The following HRH1 variants were observed in gnomAD, a reference collection of about 807,000 sequenced individuals.
HRH1 encodes histamine H1 receptor.
A neutral mutation model predicts 10.3 loss-of-function variants in HRH1; 6 were observed. The observed-to-expected ratio is 0.58, with a 90% CI of 0.32 to 1.15. The LOEUF is 1.15. Among genes scored for constraint, HRH1 ranks in the 50% most tolerant of loss-of-function variants. The pLI is 0.05. For synonymous variants in HRH1, 242 were observed against 236.7 expected, an observed-to-expected ratio of 1.02 and a Z score of -0.21; for missense variants, 514 against 615.3, an observed-to-expected ratio of 0.84 and a Z score of 1.74.
Position 11,259,003 on chromosome 3 carries a change from G to A in HRH1, c.-35G>A, listed in dbSNP as rs1939857616. On this transcript the variant is annotated splice_region_variant and 5_prime_UTR_variant, in exon 2 of 2. Coordinates refer to ENST00000431010, the MANE Select transcript of HRH1 (RefSeq NM_001098212.2). The surrounding 1 kb of genome is among the most constrained non-coding windows in gnomAD (Gnocchi z 4.6). ...TTACTTTTTCTCTCTTTTCTCCCAG[G>A]GAGTGAGCCATAACTGGTGGCTGCT... 1 of 1,547,338 alleles carries A rather than the reference G, an allele frequency of 6.5e-7. No homozygotes were observed. The highest frequency in any genetic ancestry group is 1.3e-5 in the South Asian group (1 of 79,980).
Position 11,260,495 on chromosome 3 carries a change from C to A in HRH1, c.1458C>A (p.Arg486=), listed in dbSNP as rs1453172292. The part of the protein sequence containing the change: ...KKTFKRILHI[R]S The stretch of plus-strand genomic sequence containing the variant: ...CATTCAAGAGAATTCTGCATATTCG[C>A]TCCTAAGGGAGGCTCTGAGGGGATG... The change falls in exon 2 of 2, where the codon CGC becomes CGA. Residue 486 remains arginine, a synonymous_variant. Coordinates refer to ENST00000431010, the MANE Select transcript of HRH1 (RefSeq NM_001098212.2). 8 of 1,591,226 alleles carry A rather than the reference C, an allele frequency of 5.0e-6. No individual in the cohort carries two copies. Among genetic ancestry groups the A allele is most frequent in the Admixed American group, 1.7e-5 (1 of 58,126 alleles).
chr3:11,144,410 C>CGTCT lies in HRH1; in HGVS notation c.-36+7011_-36+7012insGTCT, dbSNP rs1262726228. Among the ~76,000 whole-genome samples the CGTCT allele has an allele frequency of 2.0e-4, 30 of 150,180 alleles. 1 individual carries two copies. The highest frequency in any genetic ancestry group is 3.9e-4 in the East Asian group (2 of 5,106). The stretch of plus-strand genomic sequence containing the variant: ...ATGTGTATATATACATATAGACATA[C>CGTCT]ATCTATAGGTATATATACATATAGA... On this transcript the variant is annotated intron_variant, in intron 1 of 1. Coordinates refer to the HRH1 transcript ENST00000438284.
At chr3:11,249,475 GAAGCACATTGTGA>G (rs1448345582) in intron 1 of HRH1, among the ~76,000 whole-genome samples, 1 of 150,668 alleles carries the variant, frequency 6.6e-6, no homozygotes, top group Non-Finnish European at 1.5e-5. Flanking sequence ...GAGGAGCAAT[GAAGCACATTGTGA>G]AATATCCTAT....
At chr3:11,251,700 G>A (rs1939657523) in intron 1 of HRH1, among the ~76,000 whole-genome samples, 2 of 152,186 alleles carry the variant, frequency 1.3e-5, no homozygotes, top group Non-Finnish European at 2.9e-5. Flanking sequence ...TGAATCATCT[G>A]TAGTTCGGAT....
At chr3:11,214,501 A>G (rs761082075) in intron 1 of HRH1, among the ~76,000 whole-genome samples, 19 of 152,178 alleles carry the variant, frequency 1.2e-4, no homozygotes, top group Non-Finnish European at 2.8e-4. Context: ...ATAGACTGGG[A>G]GGAAATTCAG....
chr3:11,213,667 C>G (rs1004843547), intron 1 of HRH1, among the ~76,000 whole-genome samples: 1 of 152,190 alleles, frequency 6.6e-6, no homozygotes, highest in Non-Finnish European at 1.5e-5. Context: ...TCTCTGGAGC[C>G]TCCCTTATGA....
At chr3:11,207,278 A>G (rs1392830941) in intron 1 of HRH1, among the ~76,000 whole-genome samples, 11 of 151,956 alleles carry the variant, frequency 7.2e-5, no homozygotes, top group Admixed American at 7.2e-4. Flanking sequence ...AAACAGGCTG[A>G]CCTGGGCTGG....
intron 1 of HRH1, chr3:11,234,662 C>T: frequency 1.5e-6 from 2 of 1,298,672 alleles, no homozygotes; most frequent in South Asian, 2.4e-5. Flanking sequence ...TCCTTCCCTT[C>T]CTGCCGGCAG....
At position 11,260,503 on chromosome 3, in the gene HRH1, G is replaced by A. The variant is rs780030834; in HGVS notation, c.*2G>A. The A allele has an allele frequency of 6.3e-7, 1 of 1,584,864 alleles. No individual in the cohort carries two copies. The highest frequency in any genetic ancestry group is 8.6e-7 in the Non-Finnish European group (1 of 1,163,986). On this transcript the variant is annotated 3_prime_UTR_variant, in exon 2 of 2. Transcript: ENST00000431010. The stretch of plus-strand genomic sequence containing the variant: ...AGAATTCTGCATATTCGCTCCTAAG[G>A]GAGGCTCTGAGGGGATGCAACAAAA...
intron 1 of HRH1, among the ~76,000 whole-genome samples, chr3:11,165,135 A>T (rs1559257421): frequency 6.6e-6 from 1 of 152,236 alleles, no homozygotes; most frequent in Non-Finnish European, 1.5e-5. Context: ...AGTGACTCGC[A>T]TAAGCTCACA....
In HRH1 at chr3:11,242,509, A is replaced by AAAAAAAAAAAAAAAAAT. The variant is rs1559283215; in HGVS notation, c.-35-16494_-35-16493insAAAAAAAAAAAAAAAAT. 2.5e-4 allele frequency among the ~76,000 whole-genome samples: 30 copies of AAAAAAAAAAAAAAAAAT among 120,808 alleles called. 1 individual carries two copies. Among genetic ancestry groups the AAAAAAAAAAAAAAAAAT allele is most frequent in the African/African-American group, 9.9e-4 (30 of 30,218 alleles). The allele number at this position is 120,808 out of a possible 152,430, so 79.3% of individuals were successfully genotyped here. On this transcript the variant is annotated intron_variant, in intron 1 of 1. Transcript: ENST00000431010. ...AAAAAAAAAAAAAAAAAAAAAAAAA[A>AAAAAAAAAAAAAAAAAT]GCTGTAACACTCACTGCAAAGGTCT...
chr3:11,149,364 C>T (rs921269197), intron 1 of HRH1, among the ~76,000 whole-genome samples: 1 of 152,194 alleles, frequency 6.6e-6, no homozygotes, highest in African/African-American at 2.4e-5. Flanking sequence ...TTATAATCAG[C>T]CATTTTCACT....
chr3:11,139,494 G>C (rs1936251653), intron 1 of HRH1, among the ~76,000 whole-genome samples: 1 of 152,052 alleles, frequency 6.6e-6, no homozygotes, highest in Non-Finnish European at 1.5e-5. Flanking sequence ...TGGCAAAGCT[G>C]ATCTAGAACT....
chr3:11,153,408 G>A (rs1468680917), upstream of HRH1, among the ~76,000 whole-genome samples: 1 of 152,128 alleles, frequency 6.6e-6, no homozygotes, highest in Admixed American at 6.5e-5. Context: ...TTGTGAAGCT[G>A]AGCCTCAGAC....
At chr3:11,213,971 C>G (rs1281165102) in intron 1 of HRH1, among the ~76,000 whole-genome samples, 1 of 152,108 alleles carries the variant, frequency 6.6e-6, no homozygotes, top group Non-Finnish European at 1.5e-5. Context: ...AGGGAAGGCT[C>G]CTTGGCGGGT....
intron 1 of HRH1, among the ~76,000 whole-genome samples, chr3:11,144,477 A>ATAGACATACGTCTATAGG (rs1936382234): frequency 4.0e-5 from 6 of 149,162 alleles, no homozygotes; most frequent in African/African-American, 1.5e-4. Flanking sequence ...ATATAGACAT[A>ATAGACATACGTCTATAGG]TATATACACA....
chr3:11,144,396 TACATATAG>T (rs375580598), intron 1 of HRH1, among the ~76,000 whole-genome samples: 1 of 3,878 alleles, frequency 2.6e-4, no homozygotes, highest in Non-Finnish European at 4.6e-4. Flanking sequence ...TGTGTATATA[TACATATAG>T]ACATACATCT....
Position 11,143,421 on chromosome 3 carries a change from A to C in HRH1, c.-36+6022A>C, listed in dbSNP as rs368778379. Among the ~76,000 whole-genome samples, 18 of 152,302 alleles carry C rather than the reference A, an allele frequency of 1.2e-4. No individual in the cohort carries two copies. In the South Asian group the frequency reaches 3.7e-3, roughly 32 times the overall value. On this transcript the variant is annotated intron_variant, in intron 1 of 1. Coordinates refer to the HRH1 transcript ENST00000438284. Reference sequence around the variant, plus strand: ...CCACGCTGTATTACTGGGACAGTTCACCAGTCCCTGAGCTCACCATCTATC... The same window carrying C: ...CCACGCTGTATTACTGGGACAGTTCCCCAGTCCCTGAGCTCACCATCTATC...
chr3:11,155,890 G>GT (rs1936778019), intron 1 of HRH1, among the ~76,000 whole-genome samples: 1 of 152,184 alleles, frequency 6.6e-6, no homozygotes. Flanking sequence ...TTCTTGGAAG[G>GT]TAAGTACTAT....
Sources: allele counts gnomAD v4.1 joint callset (sites outside exome capture counted in the v4.1 genomes callset), GRCh38; gene constraint gnomAD v4.1.1; non-coding constraint Gnocchi (gnomAD v3.1); transcripts MANE v1.5; gene names NCBI Gene and HGNC (gene_info 2026-07-23, HGNC 2026-07-21).